KIF9: variants seen among roughly 807,000 people sequenced by gnomAD.
The protein encoded by KIF9 is kinesin-like protein KIF9.
In KIF9, 68 loss-of-function variants were observed where a neutral mutation model predicts 94.8. The observed-to-expected ratio is 0.72, with a 90% confidence interval of 0.59 to 0.88. The LOEUF (loss-of-function observed/expected upper bound fraction) is 0.88, where lower values mean the gene tolerates loss of function less well. Ranked by LOEUF, KIF9 falls within the 40% of genes least tolerant of loss-of-function variation. The pLI is 0.00. For synonymous variants in KIF9, 343 were observed against 362.1 expected, an observed-to-expected ratio of 0.95 and a Z score of 0.60; for missense variants, 882 against 982.5, an observed-to-expected ratio of 0.90 and a Z score of 1.37.
intron 20 of KIF9, among the ~76,000 whole-genome samples, chr3:47,231,241 C>T (rs1043713980): frequency 1.3e-5 from 2 of 151,978 alleles, no homozygotes; most frequent in South Asian, 2.1e-4. Context: ...AAAATACACA[C>T]TCAATGAATA....
At position 47,235,518 on chromosome 3, in the gene KIF9, G is replaced by A. The variant is rs1698954207; in HGVS notation, c.2317C>T (p.Gln773Ter). Residue 773 changes from glutamine (Q) to a stop codon, truncating the protein, a stop_gained, in exon 20 of 21, where the codon CAG becomes TAG. Coordinates refer to ENST00000684063, the MANE Select transcript of KIF9 (RefSeq NM_182902.4). LOFTEE classifies it high-confidence loss of function. ...SFYNAKVKIE[Q>*]KHNYLKTMMG... ...GACATAGGCCTCTGAGTTACCTTCT[G>A]CTCTATCTTGACTTTGGCATTGTAG... 6.2e-7 allele frequency: 1 copy of A among 1,610,774 alleles called. No individual in the cohort carries two copies. Among genetic ancestry groups the A allele is most frequent in the Non-Finnish European group, 8.5e-7 (1 of 1,176,984 alleles).
At chr3:47,228,746 CA>C (rs1442244893) in intron 20 of KIF9, 44 bp from the exon 21 acceptor site, 1 of 1,513,246 alleles carries the variant, frequency 6.6e-7, no homozygotes, top group Non-Finnish European at 9.2e-7. Context: ...TTAGGAGGGA[CA>C]GACATAGCAG....
At position 47,277,292 on chromosome 3, in the gene KIF9, T is replaced by C. The variant is rs1407287498; in HGVS notation, c.83A>G (p.Asp28Gly). The C allele has an allele frequency of 6.2e-7, 1 of 1,613,540 alleles. No individual in the cohort carries two copies. The highest frequency in any genetic ancestry group is 1.7e-5 in the Admixed American group (1 of 59,974). Residue 28 changes from aspartate to glycine, a missense_variant, in exon 2 of 21, where the codon GAT (aspartate) becomes GGT (glycine). Transcript: ENST00000684063. ...ACACATCGCACTTACTCTTTTGTCATCTCCGTATCTGATCATTTCATGAGC... is the reference window on the plus strand; with the variant it reads ...ACACATCGCACTTACTCTTTTGTCACCTCCGTATCTGATCATTTCATGAGC... ...DFAHEMIRYGDDKRSIDIHLK... is the reference protein window; with the variant it reads ...DFAHEMIRYGGDKRSIDIHLK...
At chr3:47,239,969 G>A in intron 17 of KIF9, 1 of 1,355,984 alleles carries the variant, frequency 7.4e-7, no homozygotes, top group Non-Finnish European at 9.9e-7. Flanking sequence ...TGTGGCCTCT[G>A]AACCACCTGT....
At chr3:47,237,250 C>T (rs567823128) in intron 17 of KIF9, among the ~76,000 whole-genome samples, 10 of 152,292 alleles carry the variant, frequency 6.6e-5, no homozygotes, top group South Asian at 4.2e-4. Flanking sequence ...TGTGCTACCA[C>T]GCCCAGCTAA....
intron 6 of KIF9, 45 bp from the exon 7 acceptor site, chr3:47,267,113 T>G (rs751135956): frequency 6.2e-7 from 1 of 1,605,848 alleles, no homozygotes. Context: ...AGGGAGAAGT[T>G]TCTGACTGAG....
chr3:47,251,082 C>A (rs557627277), intron 10 of KIF9, among the ~76,000 whole-genome samples: 1 of 152,346 alleles, frequency 6.6e-6, no homozygotes, highest in South Asian at 2.1e-4. Flanking sequence ...GTGTGGACTT[C>A]CTGTGGGGTC....
intron 9 of KIF9, among the ~76,000 whole-genome samples, chr3:47,261,268 T>C (rs576354024): frequency 2.0e-5 from 3 of 152,280 alleles, no homozygotes; most frequent in Admixed American, 6.5e-5. Context: ...AATCTCTGCA[T>C]AGAAGCATGC....
chr3:47,241,733 ATGTG>A (rs950309342), intron 16 of KIF9, among the ~76,000 whole-genome samples: 3 of 148,022 alleles, frequency 2.0e-5, no homozygotes, highest in Admixed American at 1.4e-4. Flanking sequence ...CATTTTATAT[ATGTG>A]TGTGTATATA....
intron 3 of KIF9, among the ~76,000 whole-genome samples, chr3:47,274,010 G>C (rs555727433): frequency 6.6e-6 from 1 of 152,222 alleles, no homozygotes; most frequent in African/African-American, 2.4e-5. Context: ...AGGAGCATTA[G>C]ACTCCAGCCC....
chr3:47,247,930 C>T lies in KIF9; in HGVS notation c.1128+88G>A, dbSNP rs540884546. ...ACCCCGCCCACCATTGGCCTTGACC[C>T]ATGATGCTGTCTGCCCCTAGCCCCA... On this transcript the variant is annotated intron_variant, in intron 11 of 20. Coordinates refer to ENST00000684063, the MANE Select transcript of KIF9 (RefSeq NM_182902.4). 12 of 1,024,462 alleles carry T rather than the reference C, an allele frequency of 1.2e-5. No individual in the cohort carries two copies. In the African/African-American group the frequency reaches 1.7e-4, roughly 15 times the overall value. 63.5% of individuals were successfully genotyped at this position (1,024,462 alleles called of 1,614,324 possible). A position where few individuals can be genotyped will look rare whatever the true frequency, so the allele number is the denominator to read the frequency against.
chr3:47,245,675 C>T, intron 13 of KIF9, 164 bp from the exon 14 acceptor site: 1 of 625,086 alleles, frequency 1.6e-6, no homozygotes, highest in Non-Finnish European at 2.9e-6. Flanking sequence ...GACTCACTTC[C>T]CCCTGCCCCA....
intron 8 of KIF9, among the ~76,000 whole-genome samples, chr3:47,265,395 A>G (rs1382444219): frequency 6.6e-6 from 1 of 152,154 alleles, no homozygotes; most frequent in African/African-American, 2.4e-5. Context: ...CTGCAGGGGA[A>G]GGGAAGACAC....
At chr3:47,268,671 C>T (rs1258422508) in intron 5 of KIF9, among the ~76,000 whole-genome samples, 1 of 151,698 alleles carries the variant, frequency 6.6e-6, no homozygotes, top group Non-Finnish European at 1.5e-5. Context: ...CAACTTCTGC[C>T]TCCCGGGCTC....
rs1247961264 is a variant in KIF9, at chr3:47,236,475, A to G, written c.2069T>C (p.Leu690Pro). The change falls in exon 18 of 21, where the codon CTA becomes CCA. Residue 690 changes from leucine (L) to proline (P), a missense_variant. Physicochemically the swap from Leu to Pro is moderately conservative, Grantham distance 98. Coordinates refer to ENST00000684063, the MANE Select transcript of KIF9 (RefSeq NM_182902.4). ...LRAEIQYCQH[L>P]VDQCRHRLLM... ...CAGGCGGTGGCGACACTGATCCACT[A>G]GGTGCTGGCAATACTGGATCTCAGC... 1.2e-6 allele frequency: 2 copies of G among 1,613,518 alleles called. No homozygotes were observed. Among genetic ancestry groups the G allele is most frequent in the Non-Finnish European group, 1.7e-6 (2 of 1,180,026 alleles).
chr3:47,240,105 T>C, intron 17 of KIF9: 2 of 399,628 alleles, frequency 5.0e-6, no homozygotes, highest in Non-Finnish European at 8.9e-6. Context: ...ATAAGTCATC[T>C]GAACACGCAA....
At chr3:47,276,511 G>C (rs1050143455) in intron 2 of KIF9, among the ~76,000 whole-genome samples, 1 of 149,376 alleles carries the variant, frequency 6.7e-6, no homozygotes, top group African/African-American at 2.5e-5. Context: ...AGCCAAGATT[G>C]TGCCACTGTA....
rs558211311 is a variant in KIF9, at chr3:47,240,941, A to C, written c.1784T>G (p.Ile595Ser). 6.2e-7 allele frequency: 1 copy of C among 1,614,118 alleles called. No homozygotes were observed. Among genetic ancestry groups the C allele is most frequent in the South Asian group, 1.1e-5 (1 of 91,082 alleles). Reference sequence around the variant, plus strand: ...CAAGATGGATTTGTTTTCTTTGAAAATTCGGTTGATCTCACTACCTTGCTC... The same window carrying C: ...CAAGATGGATTTGTTTTCTTTGAAACTTCGGTTGATCTCACTACCTTGCTC... Reference protein sequence around the residue: ...KNEQGSEINRIFKENKSILNE... With the variant: ...KNEQGSEINRSFKENKSILNE... Residue 595 changes from isoleucine (I) to serine (S), a missense_variant, in exon 17 of 21, where the codon ATT becomes AGT. Coordinates refer to ENST00000684063, the MANE Select transcript of KIF9 (RefSeq NM_182902.4).
intron 16 of KIF9, among the ~76,000 whole-genome samples, chr3:47,241,741 G>GTA (rs1200988046): frequency 1.0e-4 from 15 of 143,810 alleles, no homozygotes; most frequent in Non-Finnish European, 1.8e-4. Flanking sequence ...ATATGTGTGT[G>GTA]TATATATACG....
Sources: gnomAD v4.1 joint callset for allele counts (sites outside exome capture counted in the v4.1 genomes callset) on GRCh38, gnomAD v4.1.1 for gene constraint, MANE v1.5 for transcripts, NCBI Gene and HGNC (gene_info 2026-07-23, HGNC 2026-07-21) for gene names.